The following TMEM165 variants were observed in gnomAD, a reference collection of about 807,000 sequenced individuals.
TMEM165 encodes the protein transmembrane protein 165.
In TMEM165, 19 loss-of-function variants were observed where a neutral mutation model predicts 30.0. The observed-to-expected ratio is 0.63, with a 90% confidence interval of 0.44 to 0.93. TMEM165 has a LOEUF of 0.93. Among genes scored for constraint, TMEM165 ranks in the 40% least tolerant of loss-of-function variants. The pLI, the probability that TMEM165 is intolerant of heterozygous loss-of-function variation, is 0.00. For missense variants in TMEM165, 340 were observed against 417.0 expected (o/e 0.82, Z 1.61); for synonymous variants, 168 against 162.9 (o/e 1.03, Z -0.24).
intron 1 of TMEM165, among the ~76,000 whole-genome samples, chr4:55,399,562 T>C (rs776064607): frequency 1.3e-5 from 2 of 152,208 alleles, no homozygotes; most frequent in Non-Finnish European, 2.9e-5. Flanking sequence ...GTTGAAGTTT[T>C]AGTCATATTG....
intron 2 of TMEM165, chr4:55,416,804 A>G (rs965603157): frequency 7.2e-6 from 2 of 277,508 alleles, no homozygotes; most frequent in African/African-American, 2.2e-5. Context: ...GGAGTTCAAT[A>G]TCTTACTTAA....
chr4:55,444,184 T>G (rs1368310404), intron 3 of TMEM165, among the ~76,000 whole-genome samples: 2 of 152,168 alleles, frequency 1.3e-5, no homozygotes, highest in African/African-American at 4.8e-5. Context: ...CACACAGAAG[T>G]AGTTTTCACT....
chr4:55,445,563 C>CATCTGCT (rs1723740421), intron 3 of TMEM165, among the ~76,000 whole-genome samples: 1 of 129,436 alleles, frequency 7.7e-6, no homozygotes, highest in Admixed American at 8.5e-5. Context: ...TTGCTCTCTG[C>CATCTGCT]ATCTGCTATT....
At chr4:55,422,887 C>T (rs1475504882) in intron 4 of TMEM165, among the ~76,000 whole-genome samples, 2 of 152,154 alleles carry the variant, frequency 1.3e-5, no homozygotes, top group Non-Finnish European at 1.5e-5. Flanking sequence ...CCACCCTCCT[C>T]GGCCTCCCAA....
At chr4:55,398,496 TTTGAC>T (rs1325196738) in intron 1 of TMEM165, among the ~76,000 whole-genome samples, 1 of 152,268 alleles carries the variant, frequency 6.6e-6, no homozygotes, top group African/African-American at 2.4e-5. Context: ...GTCTTACTCT[TTTGAC>T]TTATTTAATT....
intron 1 of TMEM165, among the ~76,000 whole-genome samples, chr4:55,396,931 A>G (rs892864878): frequency 1.8e-4 from 27 of 152,226 alleles, no homozygotes; most frequent in Admixed American, 1.7e-3. Flanking sequence ...TTAGGAACGC[A>G]GAGGAATTAG....
At position 55,448,643 on chromosome 4, in the gene TMEM165, T is replaced by TGC. The variant is rs1180306682; in HGVS notation, c.409-3595_409-3594dup. ...GTGTGTGTGTGTGTGTGTGTGTGTG[T>TGC]GCTCCTACCTCAGCCTCCCAAGTAG... On this transcript the variant is annotated intron_variant, in intron 3 of 3. Coordinates refer to the TMEM165 transcript ENST00000608091. The TGC allele has an allele frequency of 1.7e-3, 996 of 579,274 alleles. 6 individuals carry two copies. Among genetic ancestry groups the TGC allele is most frequent in the Middle Eastern group, 5.9e-3 (15 of 2,540 alleles). The allele number at this position is 579,274 out of a possible 1,614,324, so 35.9% of individuals were successfully genotyped here. A position where few individuals can be genotyped will look rare whatever the true frequency, so the allele number is the denominator to read the frequency against.
At chr4:55,442,097 A>C (rs533706886) in intron 3 of TMEM165, among the ~76,000 whole-genome samples, 4 of 152,316 alleles carry the variant, frequency 2.6e-5, no homozygotes, top group East Asian at 1.9e-4. Flanking sequence ...CTGTTACTAC[A>C]TGGAAATTCT....
At chr4:55,443,787 A>G (rs1723565312) in intron 3 of TMEM165, 2 of 1,613,984 alleles carry the variant, frequency 1.2e-6, no homozygotes, top group African/African-American at 1.3e-5. Flanking sequence ...AGTAGGAACA[A>G]CTTGGCCTTG....
downstream of TMEM165, chr4:55,428,540 A>G (rs1003031070): frequency 5.9e-5 from 9 of 152,222 alleles, no homozygotes; most frequent in East Asian, 1.9e-4. Flanking sequence ...TTGGATTTCA[A>G]TTAAATCTTT....
In TMEM165 at chr4:55,411,598, G is replaced by A. The variant is rs1035439925; in HGVS notation, c.208-16G>A. On this transcript the variant is annotated splice_polypyrimidine_tract_variant and intron_variant, in intron 1 of 5. Coordinates refer to ENST00000381334, the MANE Select transcript of TMEM165 (RefSeq NM_018475.5). ...TGAATAATGATTTTAAGAAGTAACT[G>A]ATTTTTTTTTTCCAGAAAATATTTA... 5 of 1,554,828 alleles carry A rather than the reference G, an allele frequency of 3.2e-6. No individual in the cohort carries two copies. Among genetic ancestry groups the A allele is most frequent in the Admixed American group, 1.8e-5 (1 of 56,736 alleles).
intron 3 of TMEM165, chr4:55,450,065 G>T (rs775068551): frequency 2.5e-6 from 4 of 1,613,752 alleles, no homozygotes; most frequent in Non-Finnish European, 3.4e-6. Flanking sequence ...TTTAAAGGAA[G>T]TCTGCTTTGA....
intron 3 of TMEM165, chr4:55,442,609 T>G: frequency 6.2e-7 from 1 of 1,613,100 alleles, no homozygotes; most frequent in African/African-American, 1.3e-5. Flanking sequence ...TTGCTGACTG[T>G]GCCCACTCAG....
rs1457591246 is a variant in TMEM165 at position 55,402,417 on chromosome 4, A to G, written c.207+6021A>G. On this transcript the variant is annotated intron_variant, in intron 1 of 5. Transcript: ENST00000381334. ...TGTGTGTGTGTGTATATATATATAT[A>G]TATATATATATATATATTTTTTTTT... Among the ~76,000 whole-genome samples, 23 of 79,228 alleles carry G rather than the reference A, an allele frequency of 2.9e-4. 1 individual carries two copies. The highest frequency in any genetic ancestry group is 7.5e-4 in the East Asian group (2 of 2,672). The allele number at this position is 79,228 out of a possible 152,430, so 52.0% of individuals were successfully genotyped here. A position where few individuals can be genotyped will look rare whatever the true frequency, so the allele number is the denominator to read the frequency against.
At chr4:55,439,513 TATAA>T (rs1355230521) in intron 3 of TMEM165, among the ~76,000 whole-genome samples, 1 of 152,158 alleles carries the variant, frequency 6.6e-6, no homozygotes, top group Non-Finnish European at 1.5e-5. Context: ...CTTCTGCTTA[TATAA>T]CCCCCCAAAA....
chr4:55,411,630 C>T lies in TMEM165; in HGVS notation c.224C>T (p.Ala75Val), dbSNP rs1240232812. 1 of 1,612,076 alleles carries T rather than the reference C, an allele frequency of 6.2e-7. No individual in the cohort carries two copies. The highest frequency in any genetic ancestry group is 8.5e-7 in the Non-Finnish European group (1 of 1,179,362). The change falls in exon 2 of 6, where the codon GCA becomes GTA. Residue 75 changes from alanine (A) to valine (V), a missense_variant. Physicochemically the swap from Ala to Val is moderately conservative, Grantham distance 64 (BLOSUM62 0). Around this residue, in one of 2 missense-constraint regions of TMEM165, gnomAD observed 120 missense variants for 109.4 expected, o/e 1.10. Coordinates refer to ENST00000381334, the MANE Select transcript of TMEM165 (RefSeq NM_018475.5). Reference protein sequence around the residue: ...PARVEKIFTPAAPVHTNKEDP... With the variant: ...PARVEKIFTPVAPVHTNKEDP... ...TTTTTCCAGAAAATATTTACACCAG[C>T]AGCTCCAGTTCATACCAATAAAGAA...
At chr4:55,403,720 A>G (rs1721144875) in intron 1 of TMEM165, among the ~76,000 whole-genome samples, 1 of 152,192 alleles carries the variant, frequency 6.6e-6, no homozygotes, top group Non-Finnish European at 1.5e-5. Flanking sequence ...GTATAACTGA[A>G]TAGTGGAATA....
In TMEM165 at chr4:55,401,592, C is replaced by T. The variant is rs773122916; in HGVS notation, c.207+5196C>T. ...GTTTTGGTATTTCATTTATTTATTA[C>T]GTTTCAGCTGTGAGAGTACCTTCTA... is the stretch of plus-strand genomic sequence containing the variant. On this transcript the variant is annotated intron_variant, in intron 1 of 5. Transcript: ENST00000381334. Among the ~76,000 whole-genome samples the T allele has an allele frequency of 6.0e-5, 9 of 150,634 alleles. No individual in the cohort carries two copies. In the South Asian group the frequency reaches 1.7e-3, roughly 28 times the overall value.
chr4:55,438,630 C>T (rs538130221), intron 3 of TMEM165: 1 of 1,577,300 alleles, frequency 6.3e-7, no homozygotes, highest in East Asian at 2.3e-5. Flanking sequence ...AAGATAATAC[C>T]CAATGACATT....
Sources: gnomAD v4.1 joint callset for allele counts (sites outside exome capture counted in the v4.1 genomes callset) on GRCh38, gnomAD v4.1.1 for gene constraint, gnomAD v4.1.1 regional missense constraint, MANE v1.5 for transcripts, NCBI Gene and HGNC (gene_info 2026-07-23, HGNC 2026-07-21) for gene names.